RPAP2: variants seen among roughly 807,000 people sequenced by gnomAD.
The protein encoded by RPAP2 is putative RNA polymerase II subunit B1 CTD phosphatase RPAP2.
Under a neutral mutation model 73.1 loss-of-function variants are expected in RPAP2, and 52 were observed. The ratio of observed to expected loss-of-function variants is 0.71; its 90% CI spans 0.57 to 0.90. RPAP2 has a LOEUF of 0.90. Among genes scored for constraint, RPAP2 ranks in the 40% least tolerant of loss-of-function variants. The pLI is 0.00. For synonymous variants in RPAP2, 225 were observed against 242.1 expected, an observed-to-expected ratio of 0.93 and a Z score of 0.65; for missense variants, 598 against 701.8, an observed-to-expected ratio of 0.85 and a Z score of 1.67.
At chr1:92,307,131 G>C in intron 5 of RPAP2, 57 bp from the exon 6 acceptor site, 1 of 1,151,782 alleles carries the variant, frequency 8.7e-7, no homozygotes, top group East Asian at 2.4e-5. Flanking sequence ...ACTCTCAACT[G>C]TATGTAGGTA....
chr1:92,313,572 G>C (rs546459329), intron 6 of RPAP2, among the ~76,000 whole-genome samples: 25 of 150,970 alleles, frequency 1.7e-4, no homozygotes, highest in African/African-American at 6.1e-4. Context: ...AGTAGATTTA[G>C]CATAATTCTT....
At chr1:92,303,954 A>G in intron 3 of RPAP2, 23 bp from the exon 4 acceptor site, 1 of 1,510,204 alleles carries the variant, frequency 6.6e-7, no homozygotes, top group Non-Finnish European at 9.1e-7. Flanking sequence ...CTAGGAGGAA[A>G]TAACCCTCTC....
chr1:92,320,641 T>C lies in RPAP2; in HGVS notation c.524+7T>C, dbSNP rs777753999. 44 of 1,601,066 alleles carry C rather than the reference T, an allele frequency of 2.7e-5. No individual in the cohort carries two copies. Among genetic ancestry groups the C allele is most frequent in the Admixed American group, 1.2e-4 (7 of 59,970 alleles). The stretch of plus-strand genomic sequence containing the variant: ...TGCTAAAGGAAGAACAAAGGTATGG[T>C]TGAATCAGTATCATTTACCATTTAT... On this transcript the variant is annotated splice_region_variant and intron_variant, in intron 7 of 12. Coordinates refer to ENST00000610020, the MANE Select transcript of RPAP2 (RefSeq NM_024813.3).
intron 5 of RPAP2, among the ~76,000 whole-genome samples, chr1:92,304,903 A>G (rs937949419): frequency 6.6e-6 from 1 of 152,096 alleles, no homozygotes; most frequent in Admixed American, 6.6e-5. Flanking sequence ...TGGGAGGCCA[A>G]GGGGGGCGGA....
At chr1:92,346,405 CCACCTGCCT>C in intron 11 of RPAP2, among the ~76,000 whole-genome samples, 1 of 152,110 alleles carries the variant, frequency 6.6e-6, no homozygotes, top group Non-Finnish European at 1.5e-5. Flanking sequence ...CTCAAGAGAG[CCACCTGCCT>C]CTACCTCCCA....
At chr1:92,363,797 T>A (rs1267080808) in intron 11 of RPAP2, 1 of 282,088 alleles carries the variant, frequency 3.5e-6, no homozygotes, top group Non-Finnish European at 7.0e-6. Flanking sequence ...TTCTTTATGA[T>A]TTGCTTAACA....
chr1:92,310,741 A>G (rs1411736873), intron 6 of RPAP2, among the ~76,000 whole-genome samples: 2 of 152,168 alleles, frequency 1.3e-5, no homozygotes, highest in Non-Finnish European at 2.9e-5. Context: ...TACTAAAAAT[A>G]TAAAAATTAG....
chr1:92,299,105 G>T lies in RPAP2; in HGVS notation c.32G>T (p.Gly11Val). 6.6e-7 allele frequency: 1 copy of T among 1,521,904 alleles called. No homozygotes were observed. Among genetic ancestry groups the T allele is most frequent in the Non-Finnish European group, 8.8e-7 (1 of 1,131,834 alleles). 94.3% of individuals were successfully genotyped at this position (1,521,904 alleles called of 1,614,324 possible). The change falls in exon 1 of 13, where the codon GGC becomes GTC. Residue 11 changes from glycine to valine, a missense_variant. Around this residue, in one of 3 missense-constraint regions of RPAP2, gnomAD observed 77 missense variants for 55.7 expected, o/e 1.38. Coordinates refer to ENST00000610020, the MANE Select transcript of RPAP2 (RefSeq NM_024813.3). ...GACTTCGCTGGGCCGTCTTCTGCCGGCCGCAAGGCCGGGGCTCCCCGCTGC... is the reference window on the plus strand; with the variant it reads ...GACTTCGCTGGGCCGTCTTCTGCCGTCCGCAAGGCCGGGGCTCCCCGCTGC... MADFAGPSSA[G>V]RKAGAPRCSR...
At chr1:92,366,733 T>G (rs1654951556) in intron 11 of RPAP2, among the ~76,000 whole-genome samples, 1 of 152,218 alleles carries the variant, frequency 6.6e-6, no homozygotes, top group Non-Finnish European at 1.5e-5. Context: ...CAGATAAAAT[T>G]CCTTTTGAAA....
intron 11 of RPAP2, among the ~76,000 whole-genome samples, chr1:92,361,283 T>A (rs578219292): frequency 6.6e-6 from 1 of 152,252 alleles, no homozygotes; most frequent in East Asian, 1.9e-4. Flanking sequence ...GCAGTTTTCT[T>A]ACCAAAACAT....
chr1:92,345,054 CTG>C (rs1653807310), intron 10 of RPAP2, among the ~76,000 whole-genome samples: 1 of 151,902 alleles, frequency 6.6e-6, no homozygotes, highest in Non-Finnish European at 1.5e-5. Context: ...TTTTTAAAAA[CTG>C]AACTTTTCTT....
At chr1:92,354,510 T>G (rs1475160577) in intron 11 of RPAP2, among the ~76,000 whole-genome samples, 1 of 152,226 alleles carries the variant, frequency 6.6e-6, no homozygotes. Flanking sequence ...CACCACAAAG[T>G]GAGTTACAAA....
In RPAP2 at chr1:92,300,078, CAT is replaced by C. The variant is rs1320866412; in HGVS notation, c.74-114_74-113del. The C allele has an allele frequency of 7.3e-6, 5 of 688,046 alleles. No individual in the cohort carries two copies. In the African/African-American group the frequency reaches 9.1e-5, roughly 12 times the overall value. 42.6% of individuals were successfully genotyped at this position (688,046 alleles called of 1,614,324 possible). On this transcript the variant is annotated intron_variant, in intron 1 of 12. Transcript: ENST00000610020. ...TACTGTAGGCAACTGTATATCTAAA[CAT>C]AGAAAAGGTACAGTAAAAATACAGT...
intron 11 of RPAP2, among the ~76,000 whole-genome samples, chr1:92,360,824 T>C (rs1200410007): frequency 6.6e-6 from 1 of 152,150 alleles, no homozygotes; most frequent in African/African-American, 2.4e-5. Context: ...ACTGTTACAT[T>C]CATTACTGTA....
At chr1:92,369,037 G>A (rs950708421) in intron 11 of RPAP2, among the ~76,000 whole-genome samples, 1 of 152,182 alleles carries the variant, frequency 6.6e-6, no homozygotes, top group African/African-American at 2.4e-5. Flanking sequence ...TTCACCAGCA[G>A]ATAGCCTGTG....
At chr1:92,308,887 G>A (rs1651403376) in intron 6 of RPAP2, among the ~76,000 whole-genome samples, 1 of 152,110 alleles carries the variant, frequency 6.6e-6, no homozygotes, top group African/African-American at 2.4e-5. Context: ...TTGAACCTGG[G>A]AGGCGGAGGT....
chr1:92,307,264 G>T lies in RPAP2; in HGVS notation c.476G>T (p.Arg159Leu). Residue 159 changes from arginine to leucine, a missense_variant, in exon 6 of 13, where the codon CGA (arginine) becomes CTA (leucine). This residue lies in a region of RPAP2 where 506 missense variants were observed against 612.8 expected (regional missense o/e 0.83). Coordinates refer to ENST00000610020, the MANE Select transcript of RPAP2 (RefSeq NM_024813.3). Reference sequence around the variant, plus strand: ...ATTCCCAAAACTCCAGTATGGGTTCGAGAAGAAGAGAGGTAATTTAAGTCA... The same window carrying T: ...ATTCCCAAAACTCCAGTATGGGTTCTAGAAGAAGAGAGGTAATTTAAGTCA... ...AQIPKTPVWVREEERHPDFQL... is the reference protein window; with the variant it reads ...AQIPKTPVWVLEEERHPDFQL... 2 of 1,603,534 alleles carry T rather than the reference G, an allele frequency of 1.2e-6. No individual in the cohort carries two copies. Among genetic ancestry groups the T allele is most frequent in the Non-Finnish European group, 8.5e-7 (1 of 1,172,606 alleles).
intron 12 of RPAP2, among the ~76,000 whole-genome samples, chr1:92,384,302 T>G (rs1260319784): frequency 6.6e-6 from 1 of 151,958 alleles, no homozygotes; most frequent in African/African-American, 2.4e-5. Flanking sequence ...GGAAAGATAT[T>G]TGAAAGAGGT....
At chr1:92,312,714 G>A (rs1651663944) in intron 6 of RPAP2, among the ~76,000 whole-genome samples, 1 of 151,960 alleles carries the variant, frequency 6.6e-6, no homozygotes, top group African/African-American at 2.4e-5. Context: ...CGGAAGTCTT[G>A]AACCCCTCAA....
Sources: allele counts gnomAD v4.1 joint callset (sites outside exome capture counted in the v4.1 genomes callset), GRCh38; gene constraint gnomAD v4.1.1; regional missense constraint gnomAD v4.1.1; transcripts MANE v1.5; gene names NCBI Gene and HGNC (gene_info 2026-07-23, HGNC 2026-07-21).